STPG1: variants seen among roughly 807,000 people sequenced by gnomAD.
STPG1 encodes O(6)-methylguanine-induced apoptosis 2.
A neutral mutation model predicts 40.1 loss-of-function variants in STPG1; 33 were observed. The ratio of observed to expected loss-of-function variants is 0.82; its 90% confidence interval spans 0.62 to 1.10. The LOEUF (loss-of-function observed/expected upper bound fraction) is 1.10, where lower values mean the gene tolerates loss of function less well. STPG1 is among the 50% of genes least tolerant of loss of function. The pLI is 0.00. For missense variants in STPG1, 396 were observed against 415.1 expected, an observed-to-expected ratio of 0.95 and a Z score of 0.40; for synonymous variants, 150 against 155.0, an observed-to-expected ratio of 0.97 and a Z score of 0.24.
intron 3 of STPG1, among the ~76,000 whole-genome samples, chr1:24,385,751 A>G (rs958842323): frequency 6.6e-6 from 1 of 152,202 alleles, no homozygotes; most frequent in Non-Finnish European, 1.5e-5. Flanking sequence ...GGATTAAAAA[A>G]ATCCCCACCG....
chr1:24,364,189 A>T, intron 7 of STPG1: 2 of 1,488,922 alleles, frequency 1.3e-6, no homozygotes, highest in Non-Finnish European at 1.8e-6. Flanking sequence ...TTCCAGGGAA[A>T]CTTCTCTCCT....
intron 7 of STPG1, among the ~76,000 whole-genome samples, chr1:24,367,417 G>A (rs186800192): frequency 1.3e-4 from 20 of 152,302 alleles, no homozygotes; most frequent in Non-Finnish European, 2.5e-4. Flanking sequence ...AATTTGGGCT[G>A]GGGGCTTGAG....
At chr1:24,402,897 C>T (rs1442005969) in intron 1 of STPG1, among the ~76,000 whole-genome samples, 3 of 152,092 alleles carry the variant, frequency 2.0e-5, no homozygotes, top group Non-Finnish European at 2.9e-5. Context: ...TGCTCCCCGG[C>T]TGAGGTTTGC....
At chr1:24,370,580 C>G (rs1641691156) in intron 6 of STPG1, among the ~76,000 whole-genome samples, 1 of 152,154 alleles carries the variant, frequency 6.6e-6, no homozygotes, top group Non-Finnish European at 1.5e-5. Flanking sequence ...CAAGCTCTGC[C>G]TCCCAGGTTC....
At chr1:24,397,118 G>C (rs1643038075) in intron 2 of STPG1, among the ~76,000 whole-genome samples, 1 of 152,086 alleles carries the variant, frequency 6.6e-6, no homozygotes. Context: ...TGAGCAGTCA[G>C]CTCCTCAAGA....
chr1:24,407,872 T>C (rs2148716954), intron 1 of STPG1, among the ~76,000 whole-genome samples: 1 of 152,358 alleles, frequency 6.6e-6, no homozygotes, highest in East Asian at 1.9e-4. Flanking sequence ...CCTCATCATG[T>C]TCAGTTTCCT....
rs1262834446 is a variant in STPG1, at chr1:24,402,099, C to T, written c.-68-643G>A. Among the ~76,000 whole-genome samples the T allele has an allele frequency of 2.6e-5, 4 of 152,176 alleles. No homozygotes were observed. In the East Asian group the frequency reaches 7.7e-4, roughly 29 times the overall value. On this transcript the variant is annotated intron_variant, in intron 1 of 8. Coordinates refer to ENST00000337248, the MANE Select transcript of STPG1 (RefSeq NM_001199013.2). ...CAAATGTTTACAGCCAAGTTAAATA[C>T]CACCACAATTAAGATATTAATTTAT...
At chr1:24,390,230 C>T (rs755235367) in intron 3 of STPG1, among the ~76,000 whole-genome samples, 4 of 152,210 alleles carry the variant, frequency 2.6e-5, no homozygotes, top group Non-Finnish European at 4.4e-5. Flanking sequence ...ACTCTAAGGA[C>T]GCCTGTGAGT....
chr1:24,364,185 G>C, intron 7 of STPG1: 1 of 1,490,324 alleles, frequency 6.7e-7, no homozygotes, highest in Non-Finnish European at 8.9e-7. Context: ...TTTCTTCCAG[G>C]GAAACTTCTC....
intron 5 of STPG1, among the ~76,000 whole-genome samples, chr1:24,376,443 A>G (rs1286465236): frequency 1.3e-5 from 2 of 151,672 alleles, no homozygotes; most frequent in Non-Finnish European, 3.0e-5. Context: ...TATTATTTTC[A>G]GGGTCATATT....
At position 24,399,091 on chromosome 1, in the gene STPG1, T is replaced by A. The variant is rs1643118811; in HGVS notation, c.70+2228A>T. Among the ~76,000 whole-genome samples, 1 of 152,132 alleles carries A rather than the reference T, an allele frequency of 6.6e-6. No homozygotes were observed. Among genetic ancestry groups the A allele is most frequent in the East Asian group, 1.9e-4 (1 of 5,186 alleles). On this transcript the variant is annotated intron_variant, in intron 2 of 8. Transcript: ENST00000337248. This position sits in a 1 kb window ranked among gnomAD's most constrained non-coding sequence, Gnocchi z 4.0. ...ACAACTATTATGTATCCATAAAAAT[T>A]AAAAATAAAAAAGTAAAATAAATTT...
At chr1:24,383,260 T>TC (rs1642367376) in intron 4 of STPG1, among the ~76,000 whole-genome samples, 1 of 152,302 alleles carries the variant, frequency 6.6e-6, no homozygotes, top group East Asian at 1.9e-4. Flanking sequence ...TTTGTATCTT[T>TC]CCCCTTGCTG....
intron 3 of STPG1, among the ~76,000 whole-genome samples, chr1:24,388,729 T>G (rs1375005404): frequency 1.3e-5 from 2 of 152,252 alleles, no homozygotes; most frequent in African/African-American, 4.8e-5. Context: ...GTCTTTAATT[T>G]GTATTGCCTC....
chr1:24,403,798 C>A (rs1351168363), intron 1 of STPG1, among the ~76,000 whole-genome samples: 1 of 151,828 alleles, frequency 6.6e-6, no homozygotes, highest in Non-Finnish European at 1.5e-5. Context: ...TATATTAATG[C>A]TGTATCCTGC....
chr1:24,405,547 A>G (rs900594803), intron 1 of STPG1, among the ~76,000 whole-genome samples: 17 of 152,178 alleles, frequency 1.1e-4, no homozygotes, highest in Admixed American at 5.2e-4. Context: ...GCATTGGTTG[A>G]TAGTCTGTTC....
chr1:24,361,987 T>A (rs1054809098), intron 7 of STPG1, among the ~76,000 whole-genome samples: 1 of 152,214 alleles, frequency 6.6e-6, no homozygotes, highest in Non-Finnish European at 1.5e-5. Context: ...CCCAACCATG[T>A]AATAGAAGGG....
rs141804386 is a variant in STPG1 at position 24,403,696 on chromosome 1, G to C, written c.-68-2240C>G. Among the ~76,000 whole-genome samples, 25 of 151,960 alleles carry C rather than the reference G, an allele frequency of 1.6e-4. 1 individual carries two copies. The East Asian group carries it at 4.8e-3, about 29-fold the overall frequency. On this transcript the variant is annotated intron_variant, in intron 1 of 8. Transcript: ENST00000337248. ...TATATTTTCTTAAACTGATTCCTAA[G>C]TATTTCATATTTTATGTCAAAAAAA...
At chr1:24,378,539 G>T (rs1485122596) in intron 5 of STPG1, among the ~76,000 whole-genome samples, 1 of 152,138 alleles carries the variant, frequency 6.6e-6, no homozygotes, top group Non-Finnish European at 1.5e-5. Flanking sequence ...GGAGGCTGAG[G>T]CAGGAGAATG....
intron 7 of STPG1, among the ~76,000 whole-genome samples, chr1:24,366,257 G>A (rs984025164): frequency 2.6e-5 from 4 of 152,200 alleles, no homozygotes; most frequent in Non-Finnish European, 5.9e-5. Flanking sequence ...CGTAGCCGTG[G>A]AGAGCTAAAG....
Sources: allele counts gnomAD v4.1 joint callset (sites outside exome capture counted in the v4.1 genomes callset), GRCh38; gene constraint gnomAD v4.1.1; non-coding constraint Gnocchi (gnomAD v3.1); transcripts MANE v1.5; gene names NCBI Gene and HGNC (gene_info 2026-07-23, HGNC 2026-07-21).